The following LINGO1 variants were observed in gnomAD, a reference collection of about 807,000 sequenced individuals.
LINGO1 encodes the protein leucine-rich repeat and immunoglobulin-like domain-containing nogo receptor-interacting protein 1.
Under a neutral mutation model 37.3 loss-of-function variants are expected in LINGO1, and 11 were observed. The ratio of observed to expected loss-of-function variants is 0.29; its 90% CI spans 0.19 to 0.49. The LOEUF (loss-of-function observed/expected upper bound fraction) is 0.49, where lower values mean the gene tolerates loss of function less well. Among genes scored for constraint, LINGO1 ranks in the 20% least tolerant of loss-of-function variants. The pLI is 0.99. For missense variants in LINGO1, 585 were observed against 878.2 expected (o/e 0.67, Z 4.22); for synonymous variants, 387 against 403.0 (o/e 0.96, Z 0.48).
At position 77,796,866 on chromosome 15, in the gene LINGO1, C is replaced by T. The variant is rs566229533; in HGVS notation, c.-457-813G>A. Among the ~76,000 whole-genome samples, 39 of 152,310 alleles carry T rather than the reference C, an allele frequency of 2.6e-4. No homozygotes were observed. The Middle Eastern group carries it at 0.01, about 40-fold the overall frequency. ...GCTGGGACTACAGTTGTGTGTATCA[C>T]CACACCTGGCTAATTTTTTAATTTT... On this transcript the variant is annotated intron_variant, in intron 1 of 5. Coordinates refer to the LINGO1 transcript ENST00000562933.
intron 1 of LINGO1, among the ~76,000 whole-genome samples, chr15:77,810,927 G>A (rs1056817387): frequency 2.2e-4 from 34 of 152,258 alleles, no homozygotes; most frequent in African/African-American, 7.0e-4. Flanking sequence ...CCTCAGTAGG[G>A]CCTCAGGCAG....
chr15:77,699,502 C>CAGAAAAAACAA, upstream of LINGO1, among the ~76,000 whole-genome samples: 1 of 42,692 alleles, frequency 2.3e-5, no homozygotes, highest in East Asian at 5.7e-4. Context: ...CATCTCCACA[C>CAGAAAAAACAA]ACAATAAGCA....
At chr15:77,625,436 C>G (rs991837918) in intron 1 of LINGO1, among the ~76,000 whole-genome samples, 6 of 152,200 alleles carry the variant, frequency 3.9e-5, no homozygotes, top group African/African-American at 1.4e-4. Context: ...CAAAGAGGTT[C>G]CATAACTTGC....
intron 1 of LINGO1, among the ~76,000 whole-genome samples, chr15:77,754,673 G>A (rs2076403116): frequency 6.6e-6 from 1 of 152,268 alleles, no homozygotes; most frequent in Non-Finnish European, 1.5e-5. Context: ...TGAGAAGGAA[G>A]AGCCTGCAGA....
chr15:77,709,682 A>G (rs959509688), intron 2 of LINGO1, among the ~76,000 whole-genome samples: 5 of 152,236 alleles, frequency 3.3e-5, no homozygotes, highest in Non-Finnish European at 7.3e-5. Context: ...TCTCTCCTGA[A>G]GCTTTCCAGT....
At chr15:77,682,015 T>A (rs1455554217) in intron 2 of LINGO1, among the ~76,000 whole-genome samples, 3 of 152,064 alleles carry the variant, frequency 2.0e-5, no homozygotes, top group African/African-American at 7.2e-5. Context: ...TTGAGAGGAA[T>A]GGGGTTGTTT....
chr15:77,644,640 C>A (rs574818881), intron 3 of LINGO1, among the ~76,000 whole-genome samples: 1 of 152,344 alleles, frequency 6.6e-6, no homozygotes, highest in African/African-American at 2.4e-5. Context: ...CAGGGGCAGG[C>A]TGAGCCCGGG....
At chr15:77,742,301 G>A (rs896984736) in intron 1 of LINGO1, among the ~76,000 whole-genome samples, 1 of 152,230 alleles carries the variant, frequency 6.6e-6, no homozygotes, top group Non-Finnish European at 1.5e-5. Flanking sequence ...CTGCTCCCTG[G>A]CCTTCCTCCC....
At chr15:77,793,382 CCTG>C (rs2076833176) in intron 2 of LINGO1, among the ~76,000 whole-genome samples, 2 of 152,194 alleles carry the variant, frequency 1.3e-5, no homozygotes, top group South Asian at 4.1e-4. Context: ...CAAGGACAAA[CCTG>C]AGCTTCCTCC....
chr15:77,689,354 G>C (rs1244369759), intron 2 of LINGO1, among the ~76,000 whole-genome samples: 2 of 152,192 alleles, frequency 1.3e-5, no homozygotes, highest in African/African-American at 4.8e-5. Flanking sequence ...GAACTGTCGA[G>C]GCTGGGACAC....
intron 2 of LINGO1, among the ~76,000 whole-genome samples, chr15:77,678,648 A>G (rs1390018397): frequency 6.6e-6 from 1 of 152,212 alleles, no homozygotes; most frequent in Admixed American, 6.5e-5. Context: ...TTTTGTGTGA[A>G]TGTAAGTTTT....
At chr15:77,665,304 T>C (rs1302230880) in intron 3 of LINGO1, among the ~76,000 whole-genome samples, 1 of 152,186 alleles carries the variant, frequency 6.6e-6, no homozygotes, top group Non-Finnish European at 1.5e-5. Flanking sequence ...CCTTGCTCCA[T>C]GCTTGGCAGA....
At chr15:77,707,727 C>A (rs182440897) in intron 2 of LINGO1, among the ~76,000 whole-genome samples, 1 of 152,312 alleles carries the variant, frequency 6.6e-6, no homozygotes, top group Admixed American at 6.5e-5. Flanking sequence ...CCAGCAGCCT[C>A]CAGGAGGGCA....
At chr15:77,761,266 C>T (rs2076474168) in intron 1 of LINGO1, among the ~76,000 whole-genome samples, 1 of 152,050 alleles carries the variant, frequency 6.6e-6, no homozygotes, top group South Asian at 2.1e-4. Context: ...TTCTATTAAA[C>T]CAAAAATTTG....
intron 2 of LINGO1, among the ~76,000 whole-genome samples, chr15:77,713,929 C>T (rs1471999255): frequency 6.6e-6 from 1 of 152,138 alleles, no homozygotes; most frequent in Non-Finnish European, 1.5e-5. Flanking sequence ...GCGTCCAGGA[C>T]TTGGTCCTCT....
upstream of LINGO1, among the ~76,000 whole-genome samples, chr15:77,791,638 C>T (rs1482624425): frequency 3.3e-5 from 5 of 151,956 alleles, no homozygotes; most frequent in African/African-American, 1.2e-4. Flanking sequence ...GGGAACATGA[C>T]CTGGAGGAAG....
chr15:77,782,911 C>T (rs1010645490), intron 1 of LINGO1, among the ~76,000 whole-genome samples: 2 of 152,140 alleles, frequency 1.3e-5, no homozygotes, highest in Non-Finnish European at 1.5e-5. Flanking sequence ...CAGAGCACCC[C>T]CCTGCTCCTC....
At chr15:77,806,988 G>A (rs1004016526) in intron 1 of LINGO1, among the ~76,000 whole-genome samples, 2 of 152,134 alleles carry the variant, frequency 1.3e-5, no homozygotes, top group African/African-American at 4.8e-5. Context: ...GCCATGCAAA[G>A]CTCTCCCTAG....
chr15:77,632,913 A>G (rs1222519641), upstream of LINGO1, among the ~76,000 whole-genome samples: 1 of 149,578 alleles, frequency 6.7e-6, no homozygotes, highest in South Asian at 2.1e-4. This position sits in a 1 kb window ranked among gnomAD's most constrained non-coding sequence, Gnocchi z 6.0. Context: ...AGGGAGCACT[A>G]GGAGCGAGCC....
Sources: allele counts gnomAD v4.1 joint callset (sites outside exome capture counted in the v4.1 genomes callset), GRCh38; gene constraint gnomAD v4.1.1; non-coding constraint Gnocchi (gnomAD v3.1); transcripts MANE v1.5; gene names NCBI Gene and HGNC (gene_info 2026-07-23, HGNC 2026-07-21).